Variants in ADGRB1 observed in about 807,000 individuals in gnomAD.
ADGRB1 encodes adhesion G protein-coupled receptor B1.
A neutral mutation model predicts 175.7 loss-of-function variants in ADGRB1; 36 were observed. The ratio of observed to expected loss-of-function variants is 0.20; its 90% CI spans 0.16 to 0.27. ADGRB1 has a LOEUF of 0.27. ADGRB1 is among the 10% of genes least tolerant of loss of function. The pLI is 1.00. For missense variants in ADGRB1, 1,731 were observed against 2,255.3 expected (o/e 0.77, Z 4.71); for synonymous variants, 1,054 against 979.4 (o/e 1.08, Z -1.42).
At chr8:142,456,145 T>C (rs527800542) in intron 1 of ADGRB1, among the ~76,000 whole-genome samples, 15 of 152,150 alleles carry the variant, frequency 9.9e-5, no homozygotes, top group African/African-American at 3.1e-4. Flanking sequence ...CCCTCCCTGT[T>C]CCCCAGCCCC....
At chr8:142,465,193 C>T (rs910290974) in intron 2 of ADGRB1, among the ~76,000 whole-genome samples, 1 of 152,204 alleles carries the variant, frequency 6.6e-6, no homozygotes, top group African/African-American at 2.4e-5. Context: ...CCCTGGCACC[C>T]TCCCAGGCGC....
At chr8:142,483,160 G>T (rs922609421) in intron 11 of ADGRB1, among the ~76,000 whole-genome samples, 2 of 115,768 alleles carry the variant, frequency 1.7e-5, no homozygotes, top group East Asian at 2.9e-4. Context: ...CTGGTCACAC[G>T]CTGAGCCCTG....
chr8:142,544,567 C>T lies in ADGRB1; in HGVS notation c.*150C>T, dbSNP rs1312747470. The T allele has an allele frequency of 6.3e-6, 6 of 945,060 alleles. No homozygotes were observed. Among genetic ancestry groups the T allele is most frequent in the Non-Finnish European group, 8.7e-6 (6 of 690,082 alleles). The allele number at this position is 945,060 out of a possible 1,614,324, so 58.5% of individuals were successfully genotyped here. On this transcript the variant is annotated 3_prime_UTR_variant, in exon 31 of 31. Transcript: ENST00000517894. ...CTCAGACGGCGGCCAGGCACAGGGC[C>T]CGCAGTGCTGGGACCAGAGCCAGAT...
rs1840106569 is a variant in ADGRB1 at position 142,464,063 on chromosome 8, C to T, written c.-136C>T. 1.4e-6 allele frequency: 1 copy of T among 724,752 alleles called. No homozygotes were observed. Among genetic ancestry groups the T allele is most frequent in the Admixed American group, 4.6e-5 (1 of 21,946 alleles). 44.9% of individuals were successfully genotyped at this position (724,752 alleles called of 1,614,324 possible). A position where few individuals can be genotyped will look rare whatever the true frequency, so the allele number is the denominator to read the frequency against. ...CCTCTCTGTCACCTGAAGCGGGGCC[C>T]TCTCCCATCCCACCCTTGCCCCGCC... On this transcript the variant is annotated 5_prime_UTR_variant, in exon 2 of 31. Transcript: ENST00000517894.
At position 142,544,269 on chromosome 8, in the gene ADGRB1, A is replaced by G. The variant is rs1845461507; in HGVS notation, c.4607A>G (p.Lys1536Arg). Residue 1536 changes from lysine to arginine, a missense_variant, in exon 31 of 31, where the codon AAA (lysine) becomes AGA (arginine). Around this residue, in one of 8 missense-constraint regions of ADGRB1, gnomAD observed 394 missense variants for 410.2 expected, o/e 0.96. Coordinates refer to ENST00000517894, the MANE Select transcript of ADGRB1 (RefSeq NM_001702.3). ...PNKRPWESLR[K>R]AHGTPTWVKK... Reference sequence around the variant, plus strand: ...AAGAGGCCCTGGGAGAGCCTCCGGAAAGCCCACGGGACGCCCACGTGGGTG... The same window carrying G: ...AAGAGGCCCTGGGAGAGCCTCCGGAGAGCCCACGGGACGCCCACGTGGGTG... 6 of 1,549,378 alleles carry G rather than the reference A, an allele frequency of 3.9e-6. No homozygotes were observed. Among genetic ancestry groups the G allele is most frequent in the Non-Finnish European group, 5.2e-6 (6 of 1,146,656 alleles).
intron 27 of ADGRB1, among the ~76,000 whole-genome samples, chr8:142,541,703 GC>G (rs1845281153): frequency 6.6e-6 from 1 of 152,164 alleles, no homozygotes; most frequent in Non-Finnish European, 1.5e-5. Context: ...AGTGGAGAGG[GC>G]CACCCTGTGT....
chr8:142,473,253 G>A (rs142857777), intron 2 of ADGRB1, among the ~76,000 whole-genome samples: 5 of 152,296 alleles, frequency 3.3e-5, no homozygotes, highest in Admixed American at 2.6e-4. Context: ...GGGCTGGGAC[G>A]GCGAGGGGGG....
intron 23 of ADGRB1, among the ~76,000 whole-genome samples, chr8:142,525,467 A>G (rs1844120599): frequency 6.6e-6 from 1 of 152,112 alleles, no homozygotes; most frequent in Non-Finnish European, 1.5e-5. Context: ...CACGTGGGGC[A>G]GGCTGGGCAG....
intron 25 of ADGRB1, among the ~76,000 whole-genome samples, 155 bp from the exon 26 acceptor site, chr8:142,536,832 G>A (rs1225339286): frequency 6.6e-6 from 1 of 152,092 alleles, no homozygotes; most frequent in Admixed American, 6.5e-5. Flanking sequence ...TCATGACTCA[G>A]CAGACCAGAG....
At chr8:142,475,331 G>A in intron 2 of ADGRB1, 143 bp from the exon 3 acceptor site, 1 of 852,834 alleles carries the variant, frequency 1.2e-6, no homozygotes, top group Non-Finnish European at 1.6e-6. Context: ...AGACCCCCAG[G>A]TCCTCCCAGG....
intron 22 of ADGRB1, 122 bp downstream of exon 22, chr8:142,522,832 C>T: frequency 8.6e-7 from 1 of 1,162,472 alleles, no homozygotes; most frequent in East Asian, 3.2e-5. Context: ...CTCACAGAGG[C>T]TCAGGGAGGG....
At chr8:142,475,898 G>GGGCTGGCCCGTGGGAGTGGA (rs1240491617) in intron 3 of ADGRB1, among the ~76,000 whole-genome samples, 5 of 152,230 alleles carry the variant, frequency 3.3e-5, no homozygotes, top group African/African-American at 9.6e-5. Flanking sequence ...CCTAAACTCG[G>GGGCTGGCCCGTGGGAGTGGA]GGCTGGCCCG....
intron 2 of ADGRB1, among the ~76,000 whole-genome samples, chr8:142,465,207 C>T (rs973192887): frequency 4.6e-5 from 7 of 152,354 alleles, no homozygotes; most frequent in Non-Finnish European, 8.8e-5. Context: ...CAGGCGCCTG[C>T]TCCATCCACC....
chr8:142,472,211 C>T (rs578006652), intron 2 of ADGRB1, among the ~76,000 whole-genome samples: 32 of 152,260 alleles, frequency 2.1e-4, no homozygotes, highest in Admixed American at 2.1e-3. Context: ...ACTCGGGGTG[C>T]GGGCTGTGGG....
intron 2 of ADGRB1, among the ~76,000 whole-genome samples, chr8:142,469,702 TG>T (rs1840540659): frequency 6.6e-6 from 1 of 150,914 alleles, no homozygotes; most frequent in Non-Finnish European, 1.5e-5. Flanking sequence ...TGTGCGTGCC[TG>T]TGTGTGAATG....
intron 24 of ADGRB1, among the ~76,000 whole-genome samples, chr8:142,530,398 G>A (rs1844553050): frequency 6.6e-6 from 1 of 152,142 alleles, no homozygotes; most frequent in Non-Finnish European, 1.5e-5. Flanking sequence ...GGCCAGTTGG[G>A]CTTTCCAGCC....
At chr8:142,482,284 C>T (rs1386783866) in intron 11 of ADGRB1, among the ~76,000 whole-genome samples, 6 of 146,166 alleles carry the variant, frequency 4.1e-5, no homozygotes, top group Admixed American at 2.7e-4. Context: ...ACACACTGAG[C>T]CCTGATCCTG....
At chr8:142,507,607 A>G (rs1436001302) in intron 17 of ADGRB1, among the ~76,000 whole-genome samples, 1 of 152,196 alleles carries the variant, frequency 6.6e-6, no homozygotes, top group Admixed American at 6.5e-5. Flanking sequence ...GCCTTCTCCC[A>G]GGCAGTGGTG....
At chr8:142,453,847 G>A (rs774231152) in intron 1 of ADGRB1, among the ~76,000 whole-genome samples, 10 of 152,228 alleles carry the variant, frequency 6.6e-5, no homozygotes, top group Admixed American at 2.0e-4. Context: ...GGTGTCCCAC[G>A]GAAGGGCAGG....
Sources: gnomAD v4.1 joint callset for allele counts (sites outside exome capture counted in the v4.1 genomes callset) on GRCh38, gnomAD v4.1.1 for gene constraint, gnomAD v4.1.1 regional missense constraint, MANE v1.5 for transcripts, NCBI Gene and HGNC (gene_info 2026-07-23, HGNC 2026-07-21) for gene names.